The following ZMYM2 variants were observed in gnomAD, a reference collection of about 807,000 sequenced individuals.
ZMYM2 encodes zinc finger MYM-type containing 2, also known as zinc finger MYM-type protein 2.
A neutral mutation model predicts 162.8 loss-of-function variants in ZMYM2; 56 were observed. The ratio of observed to expected loss-of-function variants is 0.34; its 90% CI spans 0.28 to 0.43. The LOEUF is 0.43. Among genes scored for constraint, ZMYM2 ranks in the 20% least tolerant of loss-of-function variants. ZMYM2 has a pLI of 1.00. For synonymous variants in ZMYM2, 510 were observed against 541.6 expected, an observed-to-expected ratio of 0.94 and a Z score of 0.81; for missense variants, 1,275 against 1,621.8, an observed-to-expected ratio of 0.79 and a Z score of 3.67.
At chr13:19,881,633 AAAAATAAAAAAT>A in the ZMYM2 span, among the ~76,000 whole-genome samples, 605 of 151,966 alleles carry the variant, frequency 4.0e-3, 5 homozygotes, top group Middle Eastern at 0.02. Context: ...ATAAAAAATA[AAAAATAAAAAAT>A]AAAATAAAAC....
chr13:20,062,652 T>G (rs1185504665), intron 17 of ZMYM2, among the ~76,000 whole-genome samples, 194 bp from the exon 18 acceptor site: 1 of 152,226 alleles, frequency 6.6e-6, no homozygotes, highest in Non-Finnish European at 1.5e-5. Flanking sequence ...CATGTGCTTG[T>G]GACTAATTAT....
chr13:19,895,818 G>A, the ZMYM2 span, among the ~76,000 whole-genome samples: 2 of 151,650 alleles, frequency 1.3e-5, no homozygotes, highest in Non-Finnish European at 2.9e-5. Context: ...TTATAGTCAT[G>A]TTTATTGCAC....
chr13:20,028,241 CTTG>C (rs1378533301), intron 9 of ZMYM2, among the ~76,000 whole-genome samples: 1 of 152,070 alleles, frequency 6.6e-6, no homozygotes, highest in Non-Finnish European at 1.5e-5. Context: ...TAAGACTTAA[CTTG>C]TTATTTCAGA....
intron 12 of ZMYM2, 135 bp downstream of exon 12, chr13:20,037,044 A>G (rs921033025): frequency 2.4e-5 from 17 of 722,974 alleles, no homozygotes; most frequent in Non-Finnish European, 3.4e-5. Flanking sequence ...AATACTATTC[A>G]TTAAAATTGT....
At chr13:20,009,815 C>T (rs1951029396) in intron 6 of ZMYM2, among the ~76,000 whole-genome samples, 7 of 152,060 alleles carry the variant, frequency 4.6e-5, no homozygotes, top group Admixed American at 3.9e-4. Flanking sequence ...ATTTGTTGTC[C>T]CTATGATAGA....
At chr13:19,967,564 T>C (rs1177676031) in intron 2 of ZMYM2, among the ~76,000 whole-genome samples, 1 of 152,224 alleles carries the variant, frequency 6.6e-6, no homozygotes, top group Non-Finnish European at 1.5e-5. Flanking sequence ...TATCAAATCT[T>C]TCACTTAAAA....
chr13:19,915,210 C>T, the ZMYM2 span, among the ~76,000 whole-genome samples: 1 of 152,138 alleles, frequency 6.6e-6, no homozygotes, highest in Admixed American at 6.6e-5. Flanking sequence ...GTCCACCTGC[C>T]TCAGCCTCCC....
intron 2 of ZMYM2, among the ~76,000 whole-genome samples, chr13:19,979,040 C>G (rs1020877601): frequency 6.6e-6 from 1 of 151,960 alleles, no homozygotes; most frequent in Non-Finnish European, 1.5e-5. Flanking sequence ...TTTTTCCCCC[C>G]TCTTTCTGTT....
the ZMYM2 span, among the ~76,000 whole-genome samples, chr13:19,878,071 G>C: frequency 3.0e-5 from 2 of 66,880 alleles, no homozygotes; most frequent in East Asian, 5.3e-4. Context: ...TTTTTTTTTT[G>C]AGATGGAGTC....
At chr13:19,992,522 T>A (rs1949707423) in intron 2 of ZMYM2, among the ~76,000 whole-genome samples, 1 of 152,146 alleles carries the variant, frequency 6.6e-6, no homozygotes, top group South Asian at 2.1e-4. Flanking sequence ...GTCACAACGC[T>A]GCACTCCAGC....
rs1329879176 is a variant in ZMYM2 at position 19,976,332 on chromosome 13, AAAAAAAAG to A, written c.-11+16310_-11+16317del. ...ACAGAGTGAGACTGCACCTCAAAAA[AAAAAAAAG>A]AAAGAAAGAAAGAAAGAAAAATAGC... On this transcript the variant is annotated intron_variant, in intron 2 of 24. Coordinates refer to ENST00000610343, the MANE Select transcript of ZMYM2 (RefSeq NM_197968.4). Among the ~76,000 whole-genome samples the A allele has an allele frequency of 1.9e-3, 283 of 151,886 alleles. 1 individual carries two copies. Among genetic ancestry groups the A allele is most frequent in the African/African-American group, 6.5e-3 (271 of 41,452 alleles).
At chr13:19,865,858 T>C in the ZMYM2 span, among the ~76,000 whole-genome samples, 1 of 152,188 alleles carries the variant, frequency 6.6e-6, no homozygotes, top group Admixed American at 6.5e-5. Context: ...TTATTGTAAA[T>C]CTTTTGATAA....
At chr13:19,968,409 G>A (rs769407044) in intron 2 of ZMYM2, among the ~76,000 whole-genome samples, 1 of 152,122 alleles carries the variant, frequency 6.6e-6, no homozygotes, top group South Asian at 2.1e-4. Context: ...ACAGGTGCGC[G>A]CCACTGTCCC....
At position 19,993,353 on chromosome 13, in the gene ZMYM2, G is replaced by A. The variant is rs1233018940; in HGVS notation, c.281G>A (p.Gly94Glu). ...FTSSKNEELQ[G>E]NDSKITPSSK... ...TCATCAAAAAATGAAGAACTACAAG[G>A]AAATGATTCCAAAATTACTCCTTCC... is the stretch of plus-strand genomic sequence containing the variant. The change falls in exon 3 of 25, where the codon GGA becomes GAA. Residue 94 changes from glycine to glutamate, a missense_variant. Around this residue, in one of 10 missense-constraint regions of ZMYM2, gnomAD observed 295 missense variants for 286.7 expected, o/e 1.03. Transcript: ENST00000610343. 1 of 1,613,708 alleles carries A rather than the reference G, an allele frequency of 6.2e-7. No individual in the cohort carries two copies.
At chr13:20,037,215 T>A (rs1278203256) in intron 12 of ZMYM2, among the ~76,000 whole-genome samples, 117 of 113,514 alleles carry the variant, frequency 1.0e-3, no homozygotes, top group Middle Eastern at 8.9e-3. Context: ...TAAGTAGAAT[T>A]TTTTTTTTTT....
the ZMYM2 span, among the ~76,000 whole-genome samples, chr13:19,926,025 A>G: frequency 6.6e-6 from 1 of 151,418 alleles, no homozygotes; most frequent in South Asian, 2.1e-4. Flanking sequence ...TAGTGGAACA[A>G]TCTTGGCTCA....
At chr13:20,014,468 T>C (rs1951449874) in intron 6 of ZMYM2, among the ~76,000 whole-genome samples, 1 of 152,210 alleles carries the variant, frequency 6.6e-6, no homozygotes, top group Non-Finnish European at 1.5e-5. Context: ...TTTTAGGAAT[T>C]TGTGCATTTC....
the ZMYM2 span, among the ~76,000 whole-genome samples, chr13:19,883,765 T>C: frequency 2.0e-5 from 3 of 152,120 alleles, no homozygotes; most frequent in Non-Finnish European, 4.4e-5. Flanking sequence ...TATATATATA[T>C]TTTTTTGAGC....
intron 2 of ZMYM2, among the ~76,000 whole-genome samples, chr13:19,973,819 T>C (rs974955452): frequency 2.0e-5 from 3 of 152,134 alleles, no homozygotes; most frequent in Admixed American, 6.6e-5. Flanking sequence ...CACAAATTTG[T>C]AAACCTTCTT....
Sources: allele counts gnomAD v4.1 joint callset (sites outside exome capture counted in the v4.1 genomes callset), GRCh38; gene constraint gnomAD v4.1.1; regional missense constraint gnomAD v4.1.1; transcripts MANE v1.5; gene names NCBI Gene and HGNC (gene_info 2026-07-23, HGNC 2026-07-21).